The following CYP7B1 variants were observed in gnomAD, a reference collection of about 807,000 sequenced individuals.
The protein encoded by CYP7B1 is cytochrome P450 7B1.
A neutral mutation model predicts 42.7 loss-of-function variants in CYP7B1; 29 were observed. The ratio of observed to expected loss-of-function variants is 0.68; its 90% CI spans 0.51 to 0.93. The LOEUF (loss-of-function observed/expected upper bound fraction) is 0.93, where lower values mean the gene tolerates loss of function less well. Among genes scored for constraint, CYP7B1 ranks in the 40% least tolerant of loss-of-function variants. The pLI, the probability that CYP7B1 is intolerant of heterozygous loss-of-function variation, is 0.00. For synonymous variants in CYP7B1, 235 were observed against 218.2 expected (o/e 1.08, Z -0.68); for missense variants, 655 against 600.5 (o/e 1.09, Z -0.95).
intron 1 of CYP7B1, among the ~76,000 whole-genome samples, chr8:64,625,321 G>A (rs1805594600): frequency 6.6e-6 from 1 of 152,134 alleles, no homozygotes; most frequent in East Asian, 1.9e-4. Flanking sequence ...ATTTTTTGAA[G>A]GAATTGTGTC....
At chr8:64,666,341 C>A (rs34618827) in intron 1 of CYP7B1, among the ~76,000 whole-genome samples, 16,362 of 152,130 alleles carry the variant, frequency 0.11, 1,153 homozygotes, top group Non-Finnish European at 0.16. Context: ...AATTTCCTTA[C>A]AGAGGTTGCA....
intron 1 of CYP7B1, among the ~76,000 whole-genome samples, chr8:64,625,265 G>T (rs1440933226): frequency 6.6e-6 from 1 of 152,086 alleles, no homozygotes; most frequent in Admixed American, 6.6e-5. Flanking sequence ...GAGCCACCGC[G>T]CCCAGCCTAT....
intron 1 of CYP7B1, among the ~76,000 whole-genome samples, chr8:64,628,022 G>T (rs955426793): frequency 2.0e-5 from 3 of 152,136 alleles, no homozygotes; most frequent in African/African-American, 7.2e-5. Flanking sequence ...GCTGAGTAGG[G>T]ATATAGGATG....
intron 1 of CYP7B1, among the ~76,000 whole-genome samples, chr8:64,698,013 T>C (rs1228387648): frequency 1.3e-5 from 2 of 152,246 alleles, no homozygotes; most frequent in African/African-American, 4.8e-5. Context: ...AGAATCACCT[T>C]AGTCCATGGC....
chr8:64,656,141 C>T (rs1025051520), intron 1 of CYP7B1, among the ~76,000 whole-genome samples: 8 of 152,134 alleles, frequency 5.3e-5, no homozygotes, highest in Admixed American at 2.6e-4. Context: ...CAAACCTTCA[C>T]GTGTTTAGTT....
chr8:64,781,396 C>T (rs527819853), intron 1 of CYP7B1, among the ~76,000 whole-genome samples: 150 of 152,176 alleles, frequency 9.9e-4, no homozygotes, highest in Non-Finnish European at 1.8e-3. Context: ...TTTCTGTGGG[C>T]CAGAAGACAT....
At chr8:64,635,374 C>A (rs1326149091) in intron 1 of CYP7B1, among the ~76,000 whole-genome samples, 1 of 152,238 alleles carries the variant, frequency 6.6e-6, no homozygotes, top group Non-Finnish European at 1.5e-5. Flanking sequence ...CTCTGCTTCA[C>A]AGCAAATAAA....
chr8:64,778,910 C>G (rs1322745684), intron 1 of CYP7B1, among the ~76,000 whole-genome samples: 1 of 151,970 alleles, frequency 6.6e-6, no homozygotes, highest in East Asian at 1.9e-4. Context: ...TGGGATAGAG[C>G]AAAAAAGGCA....
chr8:64,789,415 G>A (rs571810933), intron 1 of CYP7B1, among the ~76,000 whole-genome samples: 31 of 152,184 alleles, frequency 2.0e-4, no homozygotes, highest in African/African-American at 6.7e-4. Context: ...TCCATATCTA[G>A]GATCTTGATA....
intron 2 of CYP7B1, among the ~76,000 whole-genome samples, chr8:64,624,120 A>AT (rs1002498081): frequency 6.6e-6 from 1 of 151,278 alleles, no homozygotes; most frequent in Admixed American, 6.6e-5. Flanking sequence ...ATATATATAT[A>AT]TTTTTTTTTC....
In CYP7B1 at chr8:64,798,455, G is replaced by T. The variant is rs188892701; in HGVS notation, c.122+11C>A. ...AGGGCGCATGCGTGGCCTGGCGGCC[G>T]AGGCGCTTACCTGGTGCGCCGGACA... On this transcript the variant is annotated intron_variant, in intron 1 of 5. Coordinates refer to ENST00000310193, the MANE Select transcript of CYP7B1 (RefSeq NM_004820.5). The T allele has an allele frequency of 6.6e-5, 100 of 1,509,494 alleles. No homozygotes were observed. Among genetic ancestry groups the T allele is most frequent in the East Asian group, 6.1e-4 (23 of 37,610 alleles). The allele number at this position is 1,509,494 out of a possible 1,614,324, so 93.5% of individuals were successfully genotyped here.
intron 1 of CYP7B1, among the ~76,000 whole-genome samples, chr8:64,781,213 C>T (rs1804417583): frequency 6.6e-6 from 1 of 152,114 alleles, no homozygotes; most frequent in African/African-American, 2.4e-5. Context: ...CAGCAAAGTC[C>T]ACCAAGGTCC....
chr8:64,783,925 A>G (rs1472303915), intron 1 of CYP7B1, among the ~76,000 whole-genome samples: 1 of 152,222 alleles, frequency 6.6e-6, no homozygotes, highest in Non-Finnish European at 1.5e-5. Flanking sequence ...AATTTTACAG[A>G]ACAATTTTAA....
At chr8:64,623,916 G>A (rs1398848220) in intron 2 of CYP7B1, among the ~76,000 whole-genome samples, 3 of 151,902 alleles carry the variant, frequency 2.0e-5, no homozygotes, top group Non-Finnish European at 4.4e-5. Flanking sequence ...TGTAAATCAT[G>A]GATTTTTAAT....
intron 4 of CYP7B1, among the ~76,000 whole-genome samples, chr8:64,609,064 T>C (rs1250538088): frequency 6.6e-6 from 1 of 152,158 alleles, no homozygotes; most frequent in East Asian, 1.9e-4. Flanking sequence ...TCATGGACAA[T>C]GCAATCTAGG....
intron 1 of CYP7B1, among the ~76,000 whole-genome samples, chr8:64,788,425 C>T (rs1436629439): frequency 4.6e-5 from 7 of 152,324 alleles, no homozygotes; most frequent in South Asian, 2.1e-4. Context: ...CCCAGGTCTG[C>T]ATGGGTGTTC....
chr8:64,610,434 C>T (rs1805347363), intron 4 of CYP7B1, among the ~76,000 whole-genome samples: 1 of 152,132 alleles, frequency 6.6e-6, no homozygotes, highest in Admixed American at 6.6e-5. Context: ...CAAAACTTCA[C>T]TACTGTCTGA....
chr8:64,718,176 T>C (rs1807185995), intron 1 of CYP7B1, among the ~76,000 whole-genome samples: 1 of 152,038 alleles, frequency 6.6e-6, no homozygotes, highest in South Asian at 2.1e-4. Flanking sequence ...GGTAGTTGCA[T>C]CCCTATTGAA....
intron 3 of CYP7B1, 81 bp downstream of exon 3, chr8:64,615,610 G>C (rs1805426686): frequency 7.3e-7 from 1 of 1,378,152 alleles, no homozygotes; most frequent in Non-Finnish European, 1.0e-6. Flanking sequence ...AAATTTTCAA[G>C]GTCGCCATTT....
Sources: allele counts gnomAD v4.1 joint callset (sites outside exome capture counted in the v4.1 genomes callset), GRCh38; gene constraint gnomAD v4.1.1; transcripts MANE v1.5; gene names NCBI Gene and HGNC (gene_info 2026-07-23, HGNC 2026-07-21).